Variants in COL15A1 observed in about 807,000 individuals in gnomAD.
The protein encoded by COL15A1 is collagen type XV alpha 1 chain, also known as collagen alpha-1(XV) chain.
In COL15A1, 111 loss-of-function variants were observed where a neutral mutation model predicts 165.9. The observed-to-expected ratio is 0.67, with a 90% CI of 0.57 to 0.78. The LOEUF is 0.78. Among genes scored for constraint, COL15A1 ranks in the 30% least tolerant of loss-of-function variants. COL15A1 has a pLI of 0.00. For synonymous variants in COL15A1, 659 were observed against 674.8 expected, an observed-to-expected ratio of 0.98 and a Z score of 0.36; for missense variants, 1,745 against 1,789.7, an observed-to-expected ratio of 0.98 and a Z score of 0.45.
At chr9:98,978,529 G>A (rs1454048590) in intron 2 of COL15A1, among the ~76,000 whole-genome samples, 1 of 152,222 alleles carries the variant, frequency 6.6e-6, no homozygotes, top group Admixed American at 6.5e-5. Flanking sequence ...AGAAAGCAGA[G>A]CTCTCAGTAG....
At chr9:98,983,818 G>A (rs1838266649) in intron 2 of COL15A1, among the ~76,000 whole-genome samples, 1 of 152,250 alleles carries the variant, frequency 6.6e-6, no homozygotes, top group South Asian at 2.1e-4. Context: ...CTGTATGATA[G>A]AGGAAGACAC....
chr9:98,993,201 C>T (rs1007105290), intron 5 of COL15A1, among the ~76,000 whole-genome samples: 2 of 152,186 alleles, frequency 1.3e-5, no homozygotes, highest in African/African-American at 4.8e-5. Context: ...AGACAAATTG[C>T]CCTGTGCAAA....
At chr9:98,981,459 A>C (rs1838234807) in intron 2 of COL15A1, among the ~76,000 whole-genome samples, 1 of 152,138 alleles carries the variant, frequency 6.6e-6, no homozygotes, top group Non-Finnish European at 1.5e-5. Context: ...CTCTGTCTCA[A>C]AAAAAAAGAA....
At chr9:99,051,673 A>T (rs889727065) in intron 30 of COL15A1, among the ~76,000 whole-genome samples, 6 of 152,146 alleles carry the variant, frequency 3.9e-5, no homozygotes, top group African/African-American at 1.4e-4. Flanking sequence ...ATGGCCCCTG[A>T]GCAGCTTGTG....
intron 16 of COL15A1, among the ~76,000 whole-genome samples, chr9:99,031,864 G>T (rs1839217074): frequency 2.0e-5 from 3 of 152,114 alleles, no homozygotes; most frequent in Admixed American, 6.5e-5. Flanking sequence ...GTTAGAGTAG[G>T]TCCTCCAGTC....
In COL15A1 at chr9:99,062,085, T is replaced by C. The variant is rs765409664; in HGVS notation, c.3517T>C (p.Trp1173Arg). 6.2e-7 allele frequency: 1 copy of C among 1,613,896 alleles called. No homozygotes were observed. Among genetic ancestry groups the C allele is most frequent in the Non-Finnish European group, 8.5e-7 (1 of 1,179,956 alleles). Residue 1173 changes from tryptophan to arginine, a missense_variant, in exon 37 of 42, where the codon TGG becomes CGG. Coordinates refer to ENST00000375001, the MANE Select transcript of COL15A1 (RefSeq NM_001855.5). ...TEFFIRVRDG[W>R]KKLQLGELIP... ...GTTTTTCATTCGTGTTAGAGATGGC[T>C]GGAAAAAATTACAGGTAATTTCTAA...
intron 5 of COL15A1, among the ~76,000 whole-genome samples, chr9:98,995,945 C>G (rs1838536694): frequency 6.6e-6 from 1 of 152,148 alleles, no homozygotes; most frequent in Admixed American, 6.5e-5. Flanking sequence ...CCCAACATAA[C>G]TAAGCTTATA....
chr9:99,036,249 C>T (rs1238172849), intron 20 of COL15A1, 44 bp downstream of exon 20: 6 of 1,613,620 alleles, frequency 3.7e-6, no homozygotes, highest in Non-Finnish European at 5.1e-6. Flanking sequence ...GCTTTCCAGC[C>T]TGGTTCTGGG....
chr9:99,034,229 G>A (rs986967210), intron 16 of COL15A1, among the ~76,000 whole-genome samples: 2 of 152,162 alleles, frequency 1.3e-5, no homozygotes, highest in East Asian at 3.9e-4. Flanking sequence ...TGGGGAAGGG[G>A]ACCACTCCAG....
intron 21 of COL15A1, among the ~76,000 whole-genome samples, chr9:99,037,422 T>G (rs1839322197): frequency 6.6e-6 from 1 of 152,172 alleles, no homozygotes; most frequent in Non-Finnish European, 1.5e-5. Context: ...GCTCTGTGGG[T>G]ATAAAGATAA....
chr9:99,036,703 C>G (rs561244757), intron 21 of COL15A1, among the ~76,000 whole-genome samples: 15 of 152,340 alleles, frequency 9.8e-5, no homozygotes, highest in Middle Eastern at 3.4e-3. Context: ...CTTTCCCCAG[C>G]CAAGTGCAGA....
chr9:99,067,392 G>T (rs1177301250), intron 40 of COL15A1, among the ~76,000 whole-genome samples: 1 of 152,180 alleles, frequency 6.6e-6, no homozygotes, highest in African/African-American at 2.4e-5. Context: ...TAGTTTGTCA[G>T]ATGAGAAAAC....
chr9:99,038,760 G>T, intron 22 of COL15A1, 27 bp downstream of exon 22: 1 of 1,503,848 alleles, frequency 6.6e-7, no homozygotes, highest in Non-Finnish European at 9.3e-7. Context: ...GCCCCAGAAT[G>T]TGGCTTTTAC....
Position 99,047,949 on chromosome 9 carries a change from A to G in COL15A1, c.2742A>G (p.Pro914=). 1 of 1,609,004 alleles carries G rather than the reference A, an allele frequency of 6.2e-7. No homozygotes were observed. Among genetic ancestry groups the G allele is most frequent in the Non-Finnish European group, 8.5e-7 (1 of 1,175,952 alleles). ...EFGLPGRPGR[P]GLNGLKGTKG... ...TCTGCTGTGGGTTCCAGGGTCGCCC[A>G]GGACTGAATGGCCTCAAGGGTACCA... is the stretch of plus-strand genomic sequence containing the variant. Residue 914 remains proline, a synonymous_variant, in exon 28 of 42, where the codon CCA becomes CCG. Coordinates refer to ENST00000375001, the MANE Select transcript of COL15A1 (RefSeq NM_001855.5).
intron 32 of COL15A1, 64 bp from the exon 33 acceptor site, chr9:99,055,038 G>C (rs1029942335): frequency 1.4e-6 from 2 of 1,399,672 alleles, no homozygotes; most frequent in Non-Finnish European, 2.0e-6. Context: ...TGCCAACTTA[G>C]AGACTTTTAT....
At position 98,975,525 on chromosome 9, in the gene COL15A1, C is replaced by T. The variant is rs563328223; in HGVS notation, c.101-10040C>T. ...CGCTGTCATCTGTGTGGAAGGAAAA[C>T]CTGAACCCTGCTCTGTTTGTTTCTT... is the stretch of plus-strand genomic sequence containing the variant. On this transcript the variant is annotated intron_variant, in intron 2 of 41. Coordinates refer to ENST00000375001, the MANE Select transcript of COL15A1 (RefSeq NM_001855.5). Among the ~76,000 whole-genome samples, 108 of 152,324 alleles carry T rather than the reference C, an allele frequency of 7.1e-4. 1 individual carries two copies. The South Asian group carries it at 9.5e-3, about 13-fold the overall frequency.
intron 16 of COL15A1, among the ~76,000 whole-genome samples, chr9:99,031,130 A>G (rs1024053198): frequency 2.0e-5 from 3 of 152,156 alleles, no homozygotes; most frequent in Admixed American, 6.5e-5. Flanking sequence ...CAGAGGCACC[A>G]ACTTTCCATG....
intron 36 of COL15A1, among the ~76,000 whole-genome samples, chr9:99,061,756 G>T (rs1292992751): frequency 6.6e-6 from 1 of 152,198 alleles, no homozygotes; most frequent in Admixed American, 6.5e-5. Context: ...TTATAAGTTA[G>T]ATTTGTGTTT....
intron 36 of COL15A1, 74 bp from the exon 37 acceptor site, chr9:99,061,895 CAG>C: frequency 6.6e-7 from 1 of 1,520,216 alleles, no homozygotes. Flanking sequence ...GTTGACTTTA[CAG>C]AGAGGCCAGG....
Sources: gnomAD v4.1 joint callset for allele counts (sites outside exome capture counted in the v4.1 genomes callset) on GRCh38, gnomAD v4.1.1 for gene constraint, MANE v1.5 for transcripts, NCBI Gene and HGNC (gene_info 2026-07-23, HGNC 2026-07-21) for gene names.